ZNF296: variants seen among roughly 807,000 people sequenced by gnomAD.
ZNF296 encodes zinc finger protein 296, also known as zinc finger protein 342.
A neutral mutation model predicts 13.2 loss-of-function variants in ZNF296; 1 was observed. The observed-to-expected ratio is 0.08, with a 90% CI of 0.03 to 0.36. The LOEUF (loss-of-function observed/expected upper bound fraction) is 0.36. ZNF296 is among the 10% of genes least tolerant of loss of function. The pLI, the probability that ZNF296 is intolerant of heterozygous loss-of-function variation, is 0.99. For synonymous variants in ZNF296, 303 were observed against 289.0 expected (o/e 1.05, Z -0.49); for missense variants, 555 against 688.2 (o/e 0.81, Z 2.16).
At chr19:45,075,536 C>T (rs1967329498) in intron 2 of ZNF296, among the ~76,000 whole-genome samples, 177 bp downstream of exon 2, 1 of 151,354 alleles carries the variant, frequency 6.6e-6, no homozygotes, top group Admixed American at 6.6e-5. Flanking sequence ...CCCCCCTCCA[C>T]CGCCACCACT....
chr19:45,072,002 C>T lies in ZNF296; in HGVS notation c.1027G>A (p.Ala343Thr). 3 of 1,613,188 alleles carry T rather than the reference C, an allele frequency of 1.9e-6. No individual in the cohort carries two copies. The highest frequency in any genetic ancestry group is 1.7e-6 in the Non-Finnish European group (2 of 1,180,002). ...VQEPGAPGSGAQAGPGGDTWG... is the reference protein window; with the variant it reads ...VQEPGAPGSGTQAGPGGDTWG... The stretch of plus-strand genomic sequence containing the variant: ...GTGTCTCCACCAGGGCCGGCTTGAG[C>T]CCCACTGCCAGGAGCCCCGGGTTCC... Residue 343 changes from alanine to threonine, a missense_variant, in exon 3 of 3, where the codon GCT (alanine) becomes ACT (threonine). By Grantham distance (58) the Ala-to-Thr change is moderately conservative (BLOSUM62 0). Transcript: ENST00000303809.
chr19:45,075,758 G>A lies in ZNF296; in HGVS notation c.403C>T (p.Leu135=). The A allele has an allele frequency of 6.2e-7, 1 of 1,614,166 alleles. No individual in the cohort carries two copies. The stretch of plus-strand genomic sequence containing the variant: ...GGGCCTCTGAAGAGCTGACAGCCCA[G>A]CTTCTTGTGGTCCATGAAGGCAGTG... The part of the protein sequence containing the change: ...AITAFMDHKK[L]GCQLFRGPSR... Residue 135 remains leucine, a synonymous_variant, in exon 2 of 3, where the codon CTG becomes TTG. Coordinates refer to ENST00000303809, the MANE Select transcript of ZNF296 (RefSeq NM_145288.3).
chr19:45,072,256 G>A lies in ZNF296; in HGVS notation c.773C>T (p.Pro258Leu). 1 of 1,613,664 alleles carries A rather than the reference G, an allele frequency of 6.2e-7. No homozygotes were observed. Among genetic ancestry groups the A allele is most frequent in the Non-Finnish European group, 8.5e-7 (1 of 1,179,928 alleles). ...GTAGGGACACTGGTCGCAAGCATAG[G>A]GCCGCTCGCCTGTGTGTGAGCGCAT... is the stretch of plus-strand genomic sequence containing the variant. Reference protein sequence around the residue: ...VHMRSHTGERPYACDQCPYAC... With the variant: ...VHMRSHTGERLYACDQCPYAC... Residue 258 changes from proline to leucine, a missense_variant, in exon 3 of 3, where the codon CCC (proline) becomes CTC (leucine). Transcript: ENST00000303809.
At position 45,071,542 on chromosome 19, in the gene ZNF296, G is replaced by A. The variant is rs189767555; in HGVS notation, c.*59C>T. 5,882 of 1,492,348 alleles carry A rather than the reference G, an allele frequency of 3.9e-3. 10 individuals carry two copies. The highest frequency in any genetic ancestry group is 4.5e-3 in the Non-Finnish European group (5,088 of 1,129,988). The allele number at this position is 1,492,348 out of a possible 1,614,324, so 92.4% of individuals were successfully genotyped here. A position where few individuals can be genotyped will look rare whatever the true frequency, so the allele number is the denominator to read the frequency against. On this transcript the variant is annotated 3_prime_UTR_variant, in exon 3 of 3. Coordinates refer to ENST00000303809, the MANE Select transcript of ZNF296 (RefSeq NM_145288.3). The stretch of plus-strand genomic sequence containing the variant: ...TTACTTGGAGAAGGCGGGCAAAAAC[G>A]AGGAGGTCAATGGGTGTTGGCAGCG...
At position 45,076,384 on chromosome 19, in the gene ZNF296, CCGGG is replaced by C. The variant is rs1967352813; in HGVS notation, c.-15_-12del. Reference sequence around the variant, plus strand: ...CTTGCGGCGGGACATGAGTCGCGGGCCGGGCGAGCGAGCGGGCGGGCAGGCAGGC... The same window carrying C: ...CTTGCGGCGGGACATGAGTCGCGGGCCGAGCGAGCGGGCGGGCAGGCAGGC... On this transcript the variant is annotated 5_prime_UTR_variant, in exon 1 of 3. Transcript: ENST00000303809. This position sits in a 1 kb window ranked among gnomAD's most constrained non-coding sequence, Gnocchi z 4.9. 1.6e-6 allele frequency: 2 copies of C among 1,289,680 alleles called. No individual in the cohort carries two copies. Among genetic ancestry groups the C allele is most frequent in the Non-Finnish European group, 2.0e-6 (2 of 1,019,330 alleles). The allele number at this position is 1,289,680 out of a possible 1,614,324, so 79.9% of individuals were successfully genotyped here.
rs149977040 is a variant in ZNF296 at position 45,072,348 on chromosome 19, G to A, written c.681C>T (p.Thr227=). 5 of 1,612,596 alleles carry A rather than the reference G, an allele frequency of 3.1e-6. No individual in the cohort carries two copies. In the African/African-American group the frequency reaches 5.3e-5, roughly 17 times the overall value. ...KSPRASGSGL[T]RRSPTCPVCK... ...ACACAGGACAGGTGGGGCTCCGCCG[G>A]GTGAGGCCGCTGCCACTTGCACGGG... is the stretch of plus-strand genomic sequence containing the variant. The change falls in exon 3 of 3, where the codon ACC becomes ACT. Residue 227 remains threonine (T), a synonymous_variant. Coordinates refer to ENST00000303809, the MANE Select transcript of ZNF296 (RefSeq NM_145288.3).
In ZNF296 at chr19:45,076,417, C is replaced by T; in HGVS notation, c.-44G>A. The T allele has an allele frequency of 8.2e-7, 1 of 1,215,396 alleles. No individual in the cohort carries two copies. Among genetic ancestry groups the T allele is most frequent in the Admixed American group, 4.3e-5 (1 of 23,236 alleles). 75.3% of individuals were successfully genotyped at this position (1,215,396 alleles called of 1,614,324 possible). A position where few individuals can be genotyped will look rare whatever the true frequency, so the allele number is the denominator to read the frequency against. On this transcript the variant is annotated 5_prime_UTR_variant, in exon 1 of 3. Transcript: ENST00000303809. The surrounding 1 kb of genome is among the most constrained non-coding windows in gnomAD (Gnocchi z 4.9). ...GCGAGCGGGCGGGCAGGCAGGCAGG[C>T]GGGCGGGCGGAGGACGCACGAGCGG...
chr19:45,072,111 C>T lies in ZNF296; in HGVS notation c.918G>A (p.Pro306=), dbSNP rs763062618. The stretch of plus-strand genomic sequence containing the variant: ...TGGTGGGGGCAGCAGCATGGACAGC[C>T]GGCTCCGGAGGGGCTGCAGAGGCCT... ...QEQASAAPPE[P]AVHAAAPTST... The change falls in exon 3 of 3, where the codon CCG becomes CCA. Residue 306 remains proline (P), a synonymous_variant. Coordinates refer to ENST00000303809, the MANE Select transcript of ZNF296 (RefSeq NM_145288.3). 1.7e-5 allele frequency: 27 copies of T among 1,609,098 alleles called. No homozygotes were observed. The highest frequency in any genetic ancestry group is 2.7e-5 in the African/African-American group (2 of 74,884).
chr19:45,072,091 G>A lies in ZNF296; in HGVS notation c.938C>T (p.Pro313Leu). ...ACCGCTGCATGGAAGGGTGCTGGTG[G>A]GGGCAGCAGCATGGACAGCCGGCTC... The part of the protein sequence containing the change: ...PPEPAVHAAA[P>L]TSTLPCSGGE... The change falls in exon 3 of 3, where the codon CCC becomes CTC. Residue 313 changes from proline to leucine, a missense_variant. Coordinates refer to ENST00000303809, the MANE Select transcript of ZNF296 (RefSeq NM_145288.3). 6.2e-7 allele frequency: 1 copy of A among 1,611,630 alleles called. No homozygotes were observed. Among genetic ancestry groups the A allele is most frequent in the Non-Finnish European group, 8.5e-7 (1 of 1,179,262 alleles).
Position 45,071,580 on chromosome 19 carries a change from G to A in ZNF296, c.*21C>T. ...GGTGTTGGCAGCGGTACCAGGGACA[G>A]TGAGGGGGGCTTTCCTGGGCTCAGG... On this transcript the variant is annotated 3_prime_UTR_variant, in exon 3 of 3. Transcript: ENST00000303809. 3 of 1,505,566 alleles carry A rather than the reference G, an allele frequency of 2.0e-6. No individual in the cohort carries two copies. The highest frequency in any genetic ancestry group is 2.7e-5 in the South Asian group (2 of 75,084). The allele number at this position is 1,505,566 out of a possible 1,614,324, so 93.3% of individuals were successfully genotyped here.
In ZNF296 at chr19:45,073,176, A is replaced by G. The variant is rs115682780; in HGVS notation, c.449-596T>C. 6.2e-3 allele frequency among the ~76,000 whole-genome samples: 943 copies of G among 152,270 alleles called. 8 individuals carry two copies. Among genetic ancestry groups the G allele is most frequent in the African/African-American group, 0.022 (909 of 41,550 alleles). ...CAGGAAAATAAGATCTCCATTTTCC[A>G]GACAGGAGAACTGAGGCACAGAGAG... is the stretch of plus-strand genomic sequence containing the variant. On this transcript the variant is annotated intron_variant, in intron 2 of 2. Transcript: ENST00000303809.
chr19:45,073,891 G>A (rs957144401), intron 2 of ZNF296, among the ~76,000 whole-genome samples: 3 of 151,600 alleles, frequency 2.0e-5, no homozygotes, highest in African/African-American at 4.8e-5. Context: ...GTGTGGTGGT[G>A]CGCGCCTGTA....
In ZNF296 at chr19:45,071,713, G is replaced by A. The variant is rs754014949; in HGVS notation, c.1316C>T (p.Thr439Met). The A allele has an allele frequency of 1.7e-5, 27 of 1,599,044 alleles. No homozygotes were observed. The Admixed American group carries it at 2.4e-4, about 14-fold the overall frequency. ...GCACTCGAAGCGGGTGCTGCCAGGC[G>A]TCATGCCGTGCATGCGGCGGTGGCG... is the stretch of plus-strand genomic sequence containing the variant. ...LNRHRRMHGM[T>M]PGSTRFECPH... Residue 439 changes from threonine (T) to methionine (M), a missense_variant, in exon 3 of 3, where the codon ACG (threonine) becomes ATG (methionine). Thr to Met is a moderately conservative substitution (Grantham distance 81, BLOSUM62 -1). Transcript: ENST00000303809.
intron 2 of ZNF296, 118 bp downstream of exon 2, chr19:45,075,595 C>G: frequency 1.5e-6 from 2 of 1,343,752 alleles, no homozygotes; most frequent in Non-Finnish European, 2.0e-6. Flanking sequence ...AGGCTGCACC[C>G]GATGGGGAGC....
Position 45,076,474 on chromosome 19 carries a change from T to C in ZNF296, c.-101A>G. The C allele has an allele frequency of 1.1e-6, 1 of 900,932 alleles. No individual in the cohort carries two copies. The highest frequency in any genetic ancestry group is 1.4e-6 in the Non-Finnish European group (1 of 694,232). The allele number at this position is 900,932 out of a possible 1,614,324, so 55.8% of individuals were successfully genotyped here. A position where few individuals can be genotyped will look rare whatever the true frequency, so the allele number is the denominator to read the frequency against. ...CGCGGACCGTGCGCGCTCAGGTGAG[T>C]GACTGCGGCGACCCGCCGCGAACTC... On this transcript the variant is annotated 5_prime_UTR_variant, in exon 1 of 3. Transcript: ENST00000303809. This position sits in a 1 kb window ranked among gnomAD's most constrained non-coding sequence, Gnocchi z 4.9.
chr19:45,074,129 C>T (rs896691682), intron 2 of ZNF296, among the ~76,000 whole-genome samples: 1 of 152,044 alleles, frequency 6.6e-6, no homozygotes, highest in Middle Eastern at 3.2e-3. Context: ...GAGGCCAAGG[C>T]AGGTGGACCA....
chr19:45,075,456 C>G (rs1404563824), intron 2 of ZNF296, among the ~76,000 whole-genome samples: 1 of 152,256 alleles, frequency 6.6e-6, no homozygotes, highest in Non-Finnish European at 1.5e-5. Context: ...GGGGCAAAAT[C>G]CCGGGCTAGT....
At chr19:45,074,872 C>T (rs1054238098) in intron 2 of ZNF296, among the ~76,000 whole-genome samples, 2 of 152,170 alleles carry the variant, frequency 1.3e-5, no homozygotes, top group Admixed American at 6.6e-5. Context: ...GCCCCTCGCT[C>T]GCTCCTCCAG....
In ZNF296 at chr19:45,072,383, C is replaced by T; in HGVS notation, c.646G>A (p.Ala216Thr). ...CTGCCACTTGCACGGGGGCTCTTGG[C>T]CTCAGCTGCTGGCCCCACCACTGCC... ...VSAVVGPAAEAKSPRASGSGL... is the reference protein window; with the variant it reads ...VSAVVGPAAETKSPRASGSGL... The change falls in exon 3 of 3, where the codon GCC (alanine) becomes ACC (threonine). Residue 216 changes from alanine to threonine, a missense_variant. By Grantham distance (58) the Ala-to-Thr change is moderately conservative (BLOSUM62 0). This residue lies in a region of ZNF296 where 410 missense variants were observed against 548.0 expected (regional missense o/e 0.75). Coordinates refer to ENST00000303809, the MANE Select transcript of ZNF296 (RefSeq NM_145288.3). 1.2e-6 allele frequency: 2 copies of T among 1,612,338 alleles called. No individual in the cohort carries two copies. The highest frequency in any genetic ancestry group is 1.1e-5 in the South Asian group (1 of 91,042).
Sources: gnomAD v4.1 joint callset for allele counts (sites outside exome capture counted in the v4.1 genomes callset) on GRCh38, gnomAD v4.1.1 for gene constraint, gnomAD v4.1.1 regional missense constraint, Gnocchi (gnomAD v3.1) non-coding constraint, MANE v1.5 for transcripts, NCBI Gene and HGNC (gene_info 2026-07-23, HGNC 2026-07-21) for gene names.